Variants in LYSMD4 observed in about 807,000 individuals in gnomAD.
The protein encoded by LYSMD4 is LysM domain containing 4, also known as lysM and putative peptidoglycan-binding domain-containing protein 4.
In LYSMD4, 9 loss-of-function variants were observed where a neutral mutation model predicts 6.1. The ratio of observed to expected loss-of-function variants is 1.47; its 90% CI spans 0.88 to 2.56. The LOEUF (loss-of-function observed/expected upper bound fraction) is 2.56. Ranked by LOEUF, LYSMD4 falls within the 30% of genes most tolerant of loss-of-function variation. The pLI is 0.00. For missense variants in LYSMD4, 384 were observed against 373.5 expected, an observed-to-expected ratio of 1.03 and a Z score of -0.23; for synonymous variants, 143 against 148.5, an observed-to-expected ratio of 0.96 and a Z score of 0.27.
At chr15:99,731,618 C>T (rs940582715) in intron 2 of LYSMD4, 100 bp downstream of exon 2, 169 of 1,522,462 alleles carry the variant, frequency 1.1e-4, no homozygotes, top group Non-Finnish European at 1.4e-4. Context: ...CTCCTGACGG[C>T]CTGGCAGGGT....
chr15:99,724,357 C>A (rs2059261139), downstream of LYSMD4, among the ~76,000 whole-genome samples: 1 of 152,206 alleles, frequency 6.6e-6, no homozygotes, highest in Admixed American at 6.5e-5. Flanking sequence ...ACCTCCCAGG[C>A]TCAAGCCATT....
chr15:99,732,133 T>A, intron 1 of LYSMD4, 126 bp from the exon 2 acceptor site: 1 of 956,004 alleles, frequency 1.0e-6, no homozygotes, highest in Non-Finnish European at 1.5e-6. Flanking sequence ...TCAGCATACA[T>A]CATCAACAGA....
exon 1 of LYSMD4, chr15:99,715,771 A>C (rs1010769458): frequency 2.0e-5 from 3 of 152,262 alleles, no homozygotes; most frequent in African/African-American, 7.2e-5. Context: ...GTTAAAGTAC[A>C]GTTTCCAACA....
At chr15:99,723,338 C>T (rs994850697), downstream of LYSMD4, among the ~76,000 whole-genome samples, 1 of 152,264 alleles carries the variant, frequency 6.6e-6, no homozygotes, top group Admixed American at 6.5e-5. Context: ...ACAGCCAGTT[C>T]TGCACCGCCT....
rs562845616 is a variant in LYSMD4 at position 99,728,031 on chromosome 15, A to G, written c.*1092T>C. 1 of 152,462 alleles carries G rather than the reference A, an allele frequency of 6.6e-6. No homozygotes were observed. Among genetic ancestry groups the G allele is most frequent in the South Asian group, 2.1e-4 (1 of 4,826 alleles). The allele number at this position is 152,462 out of a possible 1,614,324, so 9.4% of individuals were successfully genotyped here. A position where few individuals can be genotyped will look rare whatever the true frequency, so the allele number is the denominator to read the frequency against. On this transcript the variant is annotated 3_prime_UTR_variant, in exon 3 of 3. Transcript: ENST00000684762. ...AAAACTGCAAGCCCCTTCCTCCCTC[A>G]GGTGTTCTGATCGCCTTTTACAACA...
intron 2 of LYSMD4, among the ~76,000 whole-genome samples, chr15:99,730,835 G>C (rs961539737): frequency 1.3e-5 from 2 of 152,138 alleles, no homozygotes; most frequent in African/African-American, 2.4e-5. Flanking sequence ...TGTAGGACAG[G>C]CTTCATTTTT....
At position 99,733,433 on chromosome 15, in the gene LYSMD4, G is replaced by A; in HGVS notation, c.-97C>T. 2.5e-6 allele frequency: 1 copy of A among 395,354 alleles called. No homozygotes were observed. Among genetic ancestry groups the A allele is most frequent in the Non-Finnish European group, 4.5e-6 (1 of 223,826 alleles). The allele number at this position is 395,354 out of a possible 1,614,324, so 24.5% of individuals were successfully genotyped here. On this transcript the variant is annotated 5_prime_UTR_variant, in exon 1 of 3. Transcript: ENST00000684762. ...CAGCTGCCACCGCGCCTGCGGATTG[G>A]CTACGAACATCAGCAGGGCCCCCCT...
chr15:99,724,227 C>T (rs374105700), downstream of LYSMD4, among the ~76,000 whole-genome samples: 1 of 151,462 alleles, frequency 6.6e-6, no homozygotes, highest in East Asian at 1.9e-4. Context: ...TGTGTTCTAC[C>T]GTATCTCTAC....
downstream of LYSMD4, among the ~76,000 whole-genome samples, chr15:99,725,687 G>C (rs936613277): frequency 6.6e-6 from 1 of 152,042 alleles, no homozygotes; most frequent in African/African-American, 2.4e-5. Context: ...CTTATTGTGA[G>C]GCCAGTACCC....
chr15:99,732,142 G>C, intron 1 of LYSMD4, 135 bp from the exon 2 acceptor site: 1 of 907,708 alleles, frequency 1.1e-6, no homozygotes, highest in South Asian at 2.0e-5. Flanking sequence ...ATCATCAACA[G>C]AAAAAAAAGA....
chr15:99,719,045 C>G (rs1458789720), upstream of LYSMD4, among the ~76,000 whole-genome samples: 3 of 152,192 alleles, frequency 2.0e-5, no homozygotes, highest in African/African-American at 7.2e-5. Context: ...GAACCCAGCT[C>G]TTATTATCTA....
chr15:99,732,148 A>C, intron 1 of LYSMD4, 141 bp from the exon 2 acceptor site: 1 of 900,692 alleles, frequency 1.1e-6, no homozygotes, highest in South Asian at 2.0e-5. Flanking sequence ...AACAGAAAAA[A>C]AAGAATGTGC....
chr15:99,732,827 C>T (rs1430859641), intron 1 of LYSMD4: 1 of 152,690 alleles, frequency 6.5e-6, no homozygotes, highest in Non-Finnish European at 1.5e-5. Context: ...CTACTCCCCG[C>T]CCACGCCTTC....
chr15:99,730,207 C>G (rs1014971201), intron 2 of LYSMD4, among the ~76,000 whole-genome samples: 1 of 152,222 alleles, frequency 6.6e-6, no homozygotes, highest in African/African-American at 2.4e-5. Flanking sequence ...GCCAGCTCTG[C>G]AGACACACTC....
intron 2 of LYSMD4, among the ~76,000 whole-genome samples, chr15:99,730,819 G>A (rs371293157): frequency 1.3e-5 from 2 of 152,118 alleles, no homozygotes; most frequent in Admixed American, 1.3e-4. Flanking sequence ...CATCTATTCC[G>A]GTCTTTGTAG....
Position 99,729,224 on chromosome 15 carries a change from T to C in LYSMD4, c.790A>G (p.Met264Val), listed in dbSNP as rs753151527. ...TTVIPNGSMA[M>V]GTVPGQAPRL... ...GGGGCTTGCCCTGGAACTGTACCCA[T>C]TGCCATCGAGCCATTGGGGATGACA... The change falls in exon 3 of 3, where the codon ATG becomes GTG. Residue 264 changes from methionine to valine, a missense_variant. Transcript: ENST00000684762. 1.2e-5 allele frequency: 19 copies of C among 1,614,108 alleles called. No individual in the cohort carries two copies. In the African/African-American group the frequency reaches 1.2e-4, roughly 10 times the overall value.
rs562745330 is a variant in LYSMD4 at position 99,729,021 on chromosome 15, T to C, written c.*102A>G. The C allele has an allele frequency of 3.0e-5, 44 of 1,491,260 alleles. No individual in the cohort carries two copies. The East Asian group carries it at 5.9e-4, about 20-fold the overall frequency. The allele number at this position is 1,491,260 out of a possible 1,614,324, so 92.4% of individuals were successfully genotyped here. A position where few individuals can be genotyped will look rare whatever the true frequency, so the allele number is the denominator to read the frequency against. On this transcript the variant is annotated 3_prime_UTR_variant, in exon 3 of 3. Coordinates refer to ENST00000684762, the MANE Select transcript of LYSMD4 (RefSeq NM_001284417.2). ...GTGACTTCTGAAAAGTGTCCATCCT[T>C]CCCCGGAAGCAAAATGCAGCACCCC...
upstream of LYSMD4, among the ~76,000 whole-genome samples, chr15:99,718,015 G>A (rs1005335469): frequency 1.3e-5 from 2 of 152,170 alleles, no homozygotes; most frequent in Admixed American, 6.5e-5. Flanking sequence ...GTACAAGTAC[G>A]AGAACCCAGA....
chr15:99,724,287 G>A (rs552229508), downstream of LYSMD4, among the ~76,000 whole-genome samples: 2 of 152,072 alleles, frequency 1.3e-5, no homozygotes, highest in Non-Finnish European at 2.9e-5. Context: ...CTGAGACAGG[G>A]TTTGGCTCCG....
Sources: gnomAD v4.1 joint callset for allele counts (sites outside exome capture counted in the v4.1 genomes callset) on GRCh38, gnomAD v4.1.1 for gene constraint, MANE v1.5 for transcripts, NCBI Gene and HGNC (gene_info 2026-07-23, HGNC 2026-07-21) for gene names.